STAT4: variants seen among roughly 807,000 people sequenced by gnomAD.
STAT4 encodes the protein signal transducer and activator of transcription 4.
Under a neutral mutation model 110.5 loss-of-function variants are expected in STAT4, and 42 were observed. The ratio of observed to expected loss-of-function variants is 0.38; its 90% confidence interval spans 0.30 to 0.49. STAT4 has a LOEUF of 0.49. Ranked by LOEUF, STAT4 falls within the 20% of genes least tolerant of loss-of-function variation. The pLI, the probability that STAT4 is intolerant of heterozygous loss-of-function variation, is 0.95. For synonymous variants in STAT4, 284 were observed against 302.2 expected, an observed-to-expected ratio of 0.94 and a Z score of 0.63; for missense variants, 632 against 887.9, an observed-to-expected ratio of 0.71 and a Z score of 3.66.
At position 191,140,796 on chromosome 2, in the gene STAT4, A is replaced by G. The variant is rs1699300628; in HGVS notation, c.273+5817T>C. On this transcript the variant is annotated intron_variant, in intron 3 of 23. Transcript: ENST00000392320. The surrounding 1 kb of genome is among the most constrained non-coding windows in gnomAD (Gnocchi z 4.4). ...AAAATACACACGCACAACCATGTTT[A>G]TAGCAGTACAATTCACAATTGCAAA... is the stretch of plus-strand genomic sequence containing the variant. Among the ~76,000 whole-genome samples, 1 of 152,228 alleles carries G rather than the reference A, an allele frequency of 6.6e-6. No individual in the cohort carries two copies. Among genetic ancestry groups the G allele is most frequent in the African/African-American group, 2.4e-5 (1 of 41,446 alleles).
intron 3 of STAT4, among the ~76,000 whole-genome samples, chr2:191,125,645 C>A (rs1013335663): frequency 6.6e-6 from 1 of 151,836 alleles, no homozygotes; most frequent in Non-Finnish European, 1.5e-5. Context: ...ACGCACGCTA[C>A]CATGCCCAAC....
In STAT4 at chr2:191,058,356, G is replaced by A; in HGVS notation, c.1095-137C>T. 1.1e-6 allele frequency: 1 copy of A among 898,422 alleles called. No homozygotes were observed. The allele number at this position is 898,422 out of a possible 1,614,324, so 55.7% of individuals were successfully genotyped here. A position where few individuals can be genotyped will look rare whatever the true frequency, so the allele number is the denominator to read the frequency against. ...TCTGTCGTCCAGGCTGGAGTGCAGT[G>A]GTGCAATCTTGGCTCACTACAACCT... On this transcript the variant is annotated intron_variant, in intron 11 of 23. Coordinates refer to ENST00000392320, the MANE Select transcript of STAT4 (RefSeq NM_003151.4). This position sits in a 1 kb window ranked among gnomAD's most constrained non-coding sequence, Gnocchi z 4.3.
intron 13 of STAT4, among the ~76,000 whole-genome samples, chr2:191,056,787 T>G (rs1218905875): frequency 2.0e-5 from 3 of 149,208 alleles, no homozygotes; most frequent in Admixed American, 1.3e-4. Context: ...CTATTTTTTT[T>G]TTTTTTTTTT....
At chr2:191,136,437 A>G (rs1699182334) in intron 3 of STAT4, among the ~76,000 whole-genome samples, 1 of 152,222 alleles carries the variant, frequency 6.6e-6, no homozygotes. Context: ...AAGGCACCCA[A>G]ACTGGAAAAG....
intron 6 of STAT4, 44 bp downstream of exon 6, chr2:191,069,649 C>A (rs867050489): frequency 8.3e-6 from 12 of 1,444,566 alleles, no homozygotes; most frequent in South Asian, 4.7e-5. Context: ...ACTCAAGATG[C>A]CTTTTTGTCT....
chr2:191,036,420 T>C (rs2125151406), intron 16 of STAT4, 121 bp from the exon 17 acceptor site: 1 of 1,019,236 alleles, frequency 9.8e-7, no homozygotes, highest in Non-Finnish European at 1.4e-6. Context: ...GTTGGGTGAC[T>C]ATTAGGTGAT....
intron 8 of STAT4, 26 bp downstream of exon 8, chr2:191,064,781 T>G: frequency 6.2e-7 from 1 of 1,602,828 alleles, no homozygotes; most frequent in East Asian, 2.2e-5. Flanking sequence ...TGGTTTTCAC[T>G]AGAAACTGCA....
Position 191,094,951 on chromosome 2 carries a change from A to G in STAT4, c.274-18626T>C, listed in dbSNP as rs184520179. ...AAAAAAAAAAAAAGTAGGGGTTGCA[A>G]TCCTAGTCTCTGCTAAAACAGACTT... is the stretch of plus-strand genomic sequence containing the variant. On this transcript the variant is annotated intron_variant, in intron 3 of 23. Coordinates refer to ENST00000392320, the MANE Select transcript of STAT4 (RefSeq NM_003151.4). Among the ~76,000 whole-genome samples, 1,083 of 150,920 alleles carry G rather than the reference A, an allele frequency of 7.2e-3. 14 individuals carry two copies. Among genetic ancestry groups the G allele is most frequent in the African/African-American group, 0.026 (1,046 of 40,918 alleles).
chr2:191,034,076 C>T, intron 18 of STAT4, 71 bp from the exon 19 acceptor site: 1 of 1,026,846 alleles, frequency 9.7e-7, no homozygotes, highest in East Asian at 2.5e-5. Flanking sequence ...AATTTAAGTT[C>T]AATTTTTCAC....
rs1699167103 is a variant in STAT4, at chr2:191,135,942, T to C, written c.273+10671A>G. Among the ~76,000 whole-genome samples the C allele has an allele frequency of 6.7e-6, 1 of 148,354 alleles. No individual in the cohort carries two copies. Among genetic ancestry groups the C allele is most frequent in the Non-Finnish European group, 1.5e-5 (1 of 67,618 alleles). The stretch of plus-strand genomic sequence containing the variant: ...AGAGACAACTACAGGCCAATATCCC[T>C]GATGAATACTGATGCAAAATTTGTC... On this transcript the variant is annotated intron_variant, in intron 3 of 23. Coordinates refer to ENST00000392320, the MANE Select transcript of STAT4 (RefSeq NM_003151.4). The surrounding 1 kb of genome is among the most constrained non-coding windows in gnomAD (Gnocchi z 4.8).
At chr2:191,084,956 A>G (rs1411045589) in intron 3 of STAT4, among the ~76,000 whole-genome samples, 1 of 151,962 alleles carries the variant, frequency 6.6e-6, no homozygotes, top group East Asian at 1.9e-4. Flanking sequence ...CATTAATAAT[A>G]TACTATACAA....
At position 191,147,777 on chromosome 2, in the gene STAT4, C is replaced by T. The variant is rs1335576137; in HGVS notation, c.128+299G>A. On this transcript the variant is annotated intron_variant, in intron 2 of 23. Transcript: ENST00000392320. The surrounding 1 kb of genome is among the most constrained non-coding windows in gnomAD (Gnocchi z 4.1). ...AAAAAAATATTGATTTACATTGAGT[C>T]TGTGATAGAGAACTGACAATCAATT... 6.6e-6 allele frequency among the ~76,000 whole-genome samples: 1 copy of T among 151,900 alleles called. No homozygotes were observed. Among genetic ancestry groups the T allele is most frequent in the East Asian group, 1.9e-4 (1 of 5,192 alleles).
chr2:191,073,212 A>ATC, intron 4 of STAT4, 22 bp from the exon 5 acceptor site: 2 of 1,606,924 alleles, frequency 1.2e-6, no homozygotes, highest in Non-Finnish European at 1.7e-6. Flanking sequence ...ATGTCTTGAA[A>ATC]TCTCTCTGGT....
chr2:191,115,031 G>T (rs1181340747), intron 3 of STAT4, among the ~76,000 whole-genome samples: 1 of 151,930 alleles, frequency 6.6e-6, no homozygotes, highest in African/African-American at 2.4e-5. Flanking sequence ...TTGGTATTTT[G>T]ATTTTTTTTA....
intron 18 of STAT4, among the ~76,000 whole-genome samples, chr2:191,034,284 G>A (rs576482731): frequency 7.2e-5 from 11 of 152,062 alleles, no homozygotes; most frequent in Non-Finnish European, 1.3e-4. Context: ...TTAGCCGGGC[G>A]TGGTGGTGGG....
intron 3 of STAT4, among the ~76,000 whole-genome samples, chr2:191,085,097 G>A (rs1363791160): frequency 6.7e-6 from 1 of 150,290 alleles, no homozygotes; most frequent in African/African-American, 2.4e-5. Flanking sequence ...TTGGCCTCAT[G>A]CTATCTTTAT....
Position 191,039,378 on chromosome 2 carries a change from G to T in STAT4, c.1336-81C>A. The stretch of plus-strand genomic sequence containing the variant: ...CTTATGCTTGACCCTCGCCTCTAAA[G>T]GGCCAATCTCAAGCCAGCCCCACAC... On this transcript the variant is annotated intron_variant, in intron 15 of 23. Coordinates refer to ENST00000392320, the MANE Select transcript of STAT4 (RefSeq NM_003151.4). This position sits in a 1 kb window ranked among gnomAD's most constrained non-coding sequence, Gnocchi z 4.7. 2 of 1,255,778 alleles carry T rather than the reference G, an allele frequency of 1.6e-6. No individual in the cohort carries two copies. The highest frequency in any genetic ancestry group is 2.3e-5 in the East Asian group (1 of 42,982). 77.8% of individuals were successfully genotyped at this position (1,255,778 alleles called of 1,614,324 possible). A position where few individuals can be genotyped will look rare whatever the true frequency, so the allele number is the denominator to read the frequency against.
At chr2:191,151,463 C>T, upstream of STAT4, 17 of 985,564 alleles carry the variant, frequency 1.7e-5, no homozygotes, top group Non-Finnish European at 1.9e-5. This position sits in a 1 kb window ranked among gnomAD's most constrained non-coding sequence, Gnocchi z 4.7. Context: ...TACTGGGCTC[C>T]AATTCCAGCG....
intron 3 of STAT4, among the ~76,000 whole-genome samples, chr2:191,124,081 T>G (rs2125398696): frequency 4.0e-5 from 1 of 25,292 alleles, no homozygotes; most frequent in East Asian, 2.7e-3. Flanking sequence ...TGACATGACA[T>G]TTGATCCATT....
Sources: gnomAD v4.1 joint callset for allele counts (sites outside exome capture counted in the v4.1 genomes callset) on GRCh38, gnomAD v4.1.1 for gene constraint, Gnocchi (gnomAD v3.1) non-coding constraint, MANE v1.5 for transcripts, NCBI Gene and HGNC (gene_info 2026-07-23, HGNC 2026-07-21) for gene names.